Variants in CNTN6 observed in about 807,000 individuals in gnomAD.
The protein encoded by CNTN6 is contactin 6, also known as contactin-6.
CNTN6 carries 137 observed loss-of-function variants against 122.8 expected under a neutral mutation model. The ratio of observed to expected loss-of-function variants is 1.12; its 90% confidence interval spans 0.97 to 1.29. CNTN6 has a LOEUF of 1.29. Ranked by LOEUF, CNTN6 falls within the 50% of genes most tolerant of loss-of-function variation. CNTN6 has a pLI of 0.00. For synonymous variants in CNTN6, 570 were observed against 426.0 expected, an observed-to-expected ratio of 1.34 and a Z score of -4.16; for missense variants, 1,634 against 1,223.4, an observed-to-expected ratio of 1.34 and a Z score of -5.01.
chr3:1,366,102 A>G (rs1484156074), intron 12 of CNTN6, among the ~76,000 whole-genome samples: 2 of 152,186 alleles, frequency 1.3e-5, no homozygotes, highest in African/African-American at 4.8e-5. Flanking sequence ...TTCTGGTGCA[A>G]TATGAGGAGC....
At chr3:1,179,024 G>A (rs1328459974) in intron 2 of CNTN6, among the ~76,000 whole-genome samples, 2 of 152,112 alleles carry the variant, frequency 1.3e-5, no homozygotes, top group African/African-American at 2.4e-5. Flanking sequence ...CAAGAAGCAC[G>A]GTGCCAACAT....
chr3:1,324,294 A>G (rs265789), intron 8 of CNTN6, among the ~76,000 whole-genome samples: 72,198 of 147,220 alleles, frequency 0.49, 19,603 homozygotes, highest in East Asian at 0.76. Context: ...TGTGCAGTAG[A>G]AAAACTCTAG....
Position 1,295,779 on chromosome 3 carries a change from C to T in CNTN6, c.633C>T (p.Pro211=). ...CCCAGAGAAGTGTTCAAGGTCCACC[C>T]ACTCCATTAGTGCAGCGCACTGATG... ...KEAQRSVQGP[P]TPLVQRTDGV... is the part of the protein sequence containing the mutation. The change falls in exon 6 of 23, where the codon CCC becomes CCT. Residue 211 remains proline (P), a synonymous_variant. Coordinates refer to ENST00000446702, the MANE Select transcript of CNTN6 (RefSeq NM_001289080.2). 1 of 1,613,918 alleles carries T rather than the reference C, an allele frequency of 6.2e-7. No individual in the cohort carries two copies. The highest frequency in any genetic ancestry group is 8.5e-7 in the Non-Finnish European group (1 of 1,179,840).
At chr3:1,128,417 C>T (rs1042629270) in intron 1 of CNTN6, 6 of 151,958 alleles carry the variant, frequency 3.9e-5, no homozygotes, top group African/African-American at 1.4e-4. Flanking sequence ...GTCAACATCA[C>T]TAATTTATCC....
Position 1,401,765 on chromosome 3 carries a change from T to C in CNTN6, c.2817+220T>C, listed in dbSNP as rs191102796. Among the ~76,000 whole-genome samples, 9 of 152,174 alleles carry C rather than the reference T, an allele frequency of 5.9e-5. No individual in the cohort carries two copies. In the East Asian group the frequency reaches 1.7e-3, roughly 29 times the overall value. ...GGGAACATCAATAAATCAAATTCCA[T>C]AGGATGTAACATTTTTTCTTCAAGT... On this transcript the variant is annotated intron_variant, in intron 21 of 22. Coordinates refer to ENST00000446702, the MANE Select transcript of CNTN6 (RefSeq NM_001289080.2).
chr3:1,304,329 A>C (rs1249671381), intron 7 of CNTN6, among the ~76,000 whole-genome samples: 2 of 152,096 alleles, frequency 1.3e-5, no homozygotes, highest in Non-Finnish European at 2.9e-5. Flanking sequence ...TGTTTTTGAA[A>C]TACTAATTAC....
intron 12 of CNTN6, among the ~76,000 whole-genome samples, chr3:1,360,243 G>A (rs923678208): frequency 1.3e-5 from 2 of 152,012 alleles, no homozygotes; most frequent in Non-Finnish European, 2.9e-5. Context: ...AAACTTTGTT[G>A]ATTTCTAATC....
chr3:1,244,340 G>A (rs1335587904), intron 4 of CNTN6, among the ~76,000 whole-genome samples: 3 of 151,928 alleles, frequency 2.0e-5, no homozygotes, highest in Admixed American at 2.0e-4. Flanking sequence ...AGAAAAGTGG[G>A]ACTTGCCGCT....
At chr3:1,140,724 A>T (rs1013746835) in intron 1 of CNTN6, among the ~76,000 whole-genome samples, 3 of 152,184 alleles carry the variant, frequency 2.0e-5, no homozygotes, top group Non-Finnish European at 4.4e-5. Flanking sequence ...AATTGTAGAA[A>T]TGATTCTGAC....
At chr3:1,332,253 C>T (rs1049757862) in intron 11 of CNTN6, among the ~76,000 whole-genome samples, 1 of 151,930 alleles carries the variant, frequency 6.6e-6, no homozygotes, top group Non-Finnish European at 1.5e-5. Context: ...CAAAAGGTCA[C>T]ACAGTTAACT....
intron 2 of CNTN6, among the ~76,000 whole-genome samples, chr3:1,179,836 A>G (rs527735575): frequency 6.6e-6 from 1 of 152,120 alleles, no homozygotes; most frequent in Non-Finnish European, 1.5e-5. Flanking sequence ...TCTTGCCCCA[A>G]GGTTTTCTAC....
At chr3:1,356,995 C>T (rs2126090138) in intron 12 of CNTN6, among the ~76,000 whole-genome samples, 1 of 151,936 alleles carries the variant, frequency 6.6e-6, no homozygotes. Flanking sequence ...TTGTCTTGGT[C>T]TTCATGAAAA....
intron 1 of CNTN6, among the ~76,000 whole-genome samples, chr3:1,130,370 A>G (rs1189998841): frequency 6.6e-6 from 1 of 152,034 alleles, no homozygotes; most frequent in Non-Finnish European, 1.5e-5. Flanking sequence ...ACTGAAGGCT[A>G]TTTTCTGGCC....
rs1159164927 is a variant in CNTN6, at chr3:1,403,633, C to A, written c.*215C>A. ...AAATCCGCACATGATTACATGAATT[C>A]CTAGGTGCCACATTAACCTGGGGAG... On this transcript the variant is annotated 3_prime_UTR_variant, in exon 23 of 23. Coordinates refer to ENST00000446702, the MANE Select transcript of CNTN6 (RefSeq NM_001289080.2). The A allele has an allele frequency of 3.0e-6, 1 of 338,060 alleles. No individual in the cohort carries two copies. The highest frequency in any genetic ancestry group is 2.1e-5 in the African/African-American group (1 of 46,714). The allele number at this position is 338,060 out of a possible 1,614,324, so 20.9% of individuals were successfully genotyped here.
chr3:1,251,914 A>G (rs77403815), intron 4 of CNTN6, among the ~76,000 whole-genome samples: 5 of 152,098 alleles, frequency 3.3e-5, no homozygotes, highest in Non-Finnish European at 5.9e-5. Context: ...CTGAGCCAGG[A>G]TGGACTTTGG....
At chr3:1,305,524 G>C (rs1003141076) in intron 7 of CNTN6, among the ~76,000 whole-genome samples, 11 of 152,134 alleles carry the variant, frequency 7.2e-5, no homozygotes, top group Non-Finnish European at 1.5e-5. Context: ...TTGTATAGGT[G>C]CTATGCAAAT....
intron 11 of CNTN6, among the ~76,000 whole-genome samples, chr3:1,336,122 T>C (rs1414921513): frequency 9.0e-6 from 1 of 111,700 alleles, no homozygotes; most frequent in African/African-American, 2.8e-5. Context: ...TCTCTCATTT[T>C]CCTTAAAAAA....
intron 2 of CNTN6, among the ~76,000 whole-genome samples, chr3:1,186,550 G>A (rs2093630328): frequency 6.6e-6 from 1 of 152,176 alleles, no homozygotes; most frequent in African/African-American, 2.4e-5. Flanking sequence ...CCACTTAGGT[G>A]TTTTTCTTTC....
In CNTN6 at chr3:1,376,987, T is replaced by A; in HGVS notation, c.2096-18T>A. ...ACTTTAATAATTGCCATCCCACATT[T>A]CTCTTGGTTATTTTTAGTCCCTGTT... On this transcript the variant is annotated intron_variant, in intron 16 of 22. Transcript: ENST00000446702. 6.4e-7 allele frequency: 1 copy of A among 1,562,032 alleles called. No individual in the cohort carries two copies. Among genetic ancestry groups the A allele is most frequent in the Non-Finnish European group, 8.7e-7 (1 of 1,148,768 alleles).
Sources: allele counts gnomAD v4.1 joint callset (sites outside exome capture counted in the v4.1 genomes callset), GRCh38; gene constraint gnomAD v4.1.1; transcripts MANE v1.5; gene names NCBI Gene and HGNC (gene_info 2026-07-23, HGNC 2026-07-21).